GNAL: variants seen among roughly 807,000 people sequenced by gnomAD.
The protein encoded by GNAL is guanine nucleotide-binding protein G(olf) subunit alpha.
A neutral mutation model predicts 55.1 loss-of-function variants in GNAL; 18 were observed. The ratio of observed to expected loss-of-function variants is 0.33; its 90% CI spans 0.23 to 0.48. The LOEUF is 0.48. GNAL is among the 20% of genes least tolerant of loss of function. The pLI is 0.99. For synonymous variants in GNAL, 253 were observed against 237.0 expected (o/e 1.07, Z -0.62); for missense variants, 412 against 614.1 (o/e 0.67, Z 3.48).
In GNAL at chr18:11,858,811, C is replaced by T. The variant is rs151320502; in HGVS notation, c.723-3584C>T. 3.9e-5 allele frequency among the ~76,000 whole-genome samples: 6 copies of T among 152,290 alleles called. No individual in the cohort carries two copies. In the East Asian group the frequency reaches 9.6e-4, roughly 24 times the overall value. On this transcript the variant is annotated intron_variant, in intron 5 of 11. Coordinates refer to ENST00000334049, the MANE Select transcript of GNAL (RefSeq NM_182978.4). ...TGGAAATGTTCAATGAGACCTCCCA[C>T]GTCTCACTTAGATCTCTGAGAATCA...
At chr18:11,724,350 C>G (rs1191181726) in intron 1 of GNAL, among the ~76,000 whole-genome samples, 2 of 152,162 alleles carry the variant, frequency 1.3e-5, no homozygotes, top group Non-Finnish European at 2.9e-5. Context: ...CCTGATAGAG[C>G]ACCACAGGCT....
intron 4 of GNAL, among the ~76,000 whole-genome samples, chr18:11,781,847 A>G (rs1217901280): frequency 6.6e-6 from 1 of 152,206 alleles, no homozygotes; most frequent in African/African-American, 2.4e-5. Context: ...TTTTAAAATC[A>G]AATTTGTTTA....
rs1436870909 is a variant in GNAL at position 11,761,887 on chromosome 18, CT to C, written c.624+7949del. On this transcript the variant is annotated intron_variant, in intron 4 of 11. Transcript: ENST00000334049. Reference sequence around the variant, plus strand: ...TTTTTAAAAAAGTCCTAGGAAAGACCTTTTTTTAAAATGCACAATAATCTTT... The same window carrying C: ...TTTTTAAAAAAGTCCTAGGAAAGACCTTTTTTAAAATGCACAATAATCTTT... Among the ~76,000 whole-genome samples the C allele has an allele frequency of 4.6e-5, 7 of 152,146 alleles. No individual in the cohort carries two copies. In the East Asian group the frequency reaches 5.8e-4, roughly 13 times the overall value.
At chr18:11,757,208 A>G (rs1282425236) in intron 4 of GNAL, among the ~76,000 whole-genome samples, 1 of 152,168 alleles carries the variant, frequency 6.6e-6, no homozygotes, top group Non-Finnish European at 1.5e-5. Flanking sequence ...CTGAAGTTGT[A>G]ACAGAAAGCA....
intron 1 of GNAL, among the ~76,000 whole-genome samples, chr18:11,744,960 C>T (rs1189978622): frequency 6.6e-6 from 1 of 152,166 alleles, no homozygotes; most frequent in Admixed American, 6.5e-5. Flanking sequence ...ATCTGCCCCT[C>T]CTTGGTCTCC....
intron 5 of GNAL, chr18:11,852,499 A>G (rs2035900352): frequency 4.9e-6 from 1 of 202,346 alleles, no homozygotes; most frequent in Admixed American, 5.3e-5. Flanking sequence ...CAGGTGGTGC[A>G]TAAAAGTTAA....
intron 1 of GNAL, among the ~76,000 whole-genome samples, chr18:11,712,706 C>A (rs1453959901): frequency 6.6e-6 from 1 of 152,196 alleles, no homozygotes; most frequent in East Asian, 1.9e-4. Context: ...TCCTCCCTAG[C>A]AAGCACGGAT....
At chr18:11,714,866 T>C (rs1463956208) in intron 1 of GNAL, among the ~76,000 whole-genome samples, 2 of 152,222 alleles carry the variant, frequency 1.3e-5, no homozygotes, top group African/African-American at 4.8e-5. Flanking sequence ...TAAGGATAGC[T>C]AATGCTGGGT....
chr18:11,800,095 G>A (rs573516147), intron 4 of GNAL, among the ~76,000 whole-genome samples: 1 of 151,922 alleles, frequency 6.6e-6, no homozygotes, highest in South Asian at 2.1e-4. Flanking sequence ...TTTCCCATTA[G>A]GTCAACAACC....
At chr18:11,733,685 A>G (rs1204645868) in intron 1 of GNAL, among the ~76,000 whole-genome samples, 1 of 152,186 alleles carries the variant, frequency 6.6e-6, no homozygotes, top group South Asian at 2.1e-4. Flanking sequence ...ACATGTTCTC[A>G]TAAGTGAGAG....
rs1284480226 is a variant in GNAL, at chr18:11,751,110, A to G, written c.377-1743A>G. 1.3e-5 allele frequency among the ~76,000 whole-genome samples: 2 copies of G among 152,106 alleles called. No individual in the cohort carries two copies. The highest frequency in any genetic ancestry group is 4.8e-5 in the African/African-American group (2 of 41,418). On this transcript the variant is annotated intron_variant, in intron 1 of 11. Transcript: ENST00000334049. This position sits in a 1 kb window ranked among gnomAD's most constrained non-coding sequence, Gnocchi z 4.5. ...ACAGAGCTGAGCAAAGGCAAGTTAG[A>G]CAGCGCAGCGCCAAGCCCGAGACGG...
intron 1 of GNAL, among the ~76,000 whole-genome samples, chr18:11,710,651 G>T (rs2031814878): frequency 6.6e-6 from 1 of 150,922 alleles, no homozygotes. Context: ...TTTTTTGGAG[G>T]ATAGTTTTGC....
intron 11 of GNAL, 34 bp from the exon 12 acceptor site, chr18:11,880,955 C>T (rs1162078188): frequency 5.0e-6 from 8 of 1,599,130 alleles, no homozygotes; most frequent in South Asian, 1.1e-5. Flanking sequence ...ATGCTGGGGC[C>T]GCGCAGGGCT....
chr18:11,834,735 A>G (rs2035463645), intron 5 of GNAL, among the ~76,000 whole-genome samples: 1 of 152,140 alleles, frequency 6.6e-6, no homozygotes, highest in Non-Finnish European at 1.5e-5. Flanking sequence ...AAAGAAAGAA[A>G]TTTTGTTCCA....
intron 5 of GNAL, among the ~76,000 whole-genome samples, chr18:11,854,877 T>G (rs1407095140): frequency 6.6e-6 from 1 of 152,160 alleles, no homozygotes; most frequent in Non-Finnish European, 1.5e-5. Context: ...AAATTTTTGT[T>G]TGGTTAGTAT....
intron 4 of GNAL, among the ~76,000 whole-genome samples, chr18:11,794,938 G>T (rs1013669097): frequency 6.6e-6 from 1 of 152,086 alleles, no homozygotes; most frequent in Non-Finnish European, 1.5e-5. Flanking sequence ...TGCCTCCGAG[G>T]TTCAAGCGAT....
At chr18:11,797,434 T>C (rs2034419269) in intron 4 of GNAL, among the ~76,000 whole-genome samples, 1 of 152,158 alleles carries the variant, frequency 6.6e-6, no homozygotes, top group Non-Finnish European at 1.5e-5. Context: ...AACAAGCTTC[T>C]GAGTGAATTT....
chr18:11,858,248 A>G lies in GNAL; in HGVS notation c.723-4147A>G, dbSNP rs1007708185. Reference sequence around the variant, plus strand: ...GCAAACATGAGTGTCCTCAGCTGTCACAGGAAATAATGAAAAAAAAATCAG... The same window carrying G: ...GCAAACATGAGTGTCCTCAGCTGTCGCAGGAAATAATGAAAAAAAAATCAG... On this transcript the variant is annotated intron_variant, in intron 5 of 11. Coordinates refer to ENST00000334049, the MANE Select transcript of GNAL (RefSeq NM_182978.4). 1.7e-4 allele frequency among the ~76,000 whole-genome samples: 25 copies of G among 149,104 alleles called. 1 individual carries two copies. The highest frequency in any genetic ancestry group is 1.6e-3 in the Admixed American group (25 of 15,178).
chr18:11,828,643 T>C (rs924805459), intron 5 of GNAL, among the ~76,000 whole-genome samples: 1 of 148,094 alleles, frequency 6.8e-6, no homozygotes, highest in African/African-American at 2.6e-5. Flanking sequence ...CAATGCCACA[T>C]TAGAAATTTT....
Sources: gnomAD v4.1 joint callset for allele counts (sites outside exome capture counted in the v4.1 genomes callset) on GRCh38, gnomAD v4.1.1 for gene constraint, Gnocchi (gnomAD v3.1) non-coding constraint, MANE v1.5 for transcripts, NCBI Gene and HGNC (gene_info 2026-07-23, HGNC 2026-07-21) for gene names.